BICRAL: variants seen among roughly 807,000 people sequenced by gnomAD.
The protein encoded by BICRAL is BRD4-interacting chromatin-remodeling complex-associated protein-like.
Under a neutral mutation model 91.8 loss-of-function variants are expected in BICRAL, and 8 were observed. The ratio of observed to expected loss-of-function variants is 0.09; its 90% confidence interval spans 0.05 to 0.16. The LOEUF (loss-of-function observed/expected upper bound fraction) is 0.16, where lower values mean the gene tolerates loss of function less well. Among genes scored for constraint, BICRAL ranks in the 10% least tolerant of loss-of-function variants. The pLI is 1.00. For synonymous variants in BICRAL, 445 were observed against 491.1 expected (o/e 0.91, Z 1.24); for missense variants, 1,038 against 1,310.9 (o/e 0.79, Z 3.21).
intron 1 of BICRAL, among the ~76,000 whole-genome samples, chr6:42,804,622 A>G (rs949815768): frequency 6.6e-6 from 1 of 152,184 alleles, no homozygotes; most frequent in Non-Finnish European, 1.5e-5. Context: ...TGAAAAACTG[A>G]TAAGTTTTGG....
chr6:42,812,465 A>G (rs1182124490), intron 2 of BICRAL, among the ~76,000 whole-genome samples: 2 of 152,178 alleles, frequency 1.3e-5, no homozygotes, highest in Admixed American at 1.3e-4. Flanking sequence ...TATCTTATAT[A>G]AGTTCAAGAA....
intron 5 of BICRAL, among the ~76,000 whole-genome samples, chr6:42,827,947 G>C (rs895581863): frequency 1.3e-5 from 2 of 152,116 alleles, no homozygotes; most frequent in Non-Finnish European, 2.9e-5. Flanking sequence ...TAAGCTCCAA[G>C]TAGTCCTCAG....
At chr6:42,851,966 T>A (rs1765197792) in intron 6 of BICRAL, 126 bp from the exon 7 acceptor site, 1 of 607,396 alleles carries the variant, frequency 1.6e-6, no homozygotes, top group South Asian at 2.1e-5. Context: ...TTATTAAATT[T>A]TTGGTTTGTT....
chr6:42,782,327 GTTTT>G (rs1290370929), intron 1 of BICRAL, among the ~76,000 whole-genome samples: 3 of 59,530 alleles, frequency 5.0e-5, no homozygotes, highest in Non-Finnish European at 9.2e-5. Context: ...CTAAGGCTGT[GTTTT>G]TTTTTTTTTT....
intron 6 of BICRAL, among the ~76,000 whole-genome samples, chr6:42,840,757 AAAGGATT>A (rs1309708608): frequency 9.9e-5 from 15 of 151,856 alleles, no homozygotes; most frequent in Admixed American, 8.5e-4. Flanking sequence ...TTGGATCACT[AAAGGATT>A]TCGTAGATTC....
At chr6:42,771,534 A>AG (rs1208164250) in intron 1 of BICRAL, among the ~76,000 whole-genome samples, 16 of 151,608 alleles carry the variant, frequency 1.1e-4, no homozygotes, top group Non-Finnish European at 1.9e-4. Flanking sequence ...GTAGGGAAGG[A>AG]GGGTTTTGAG....
intron 1 of BICRAL, among the ~76,000 whole-genome samples, chr6:42,805,917 G>T (rs952564462): frequency 3.3e-5 from 5 of 152,028 alleles, no homozygotes; most frequent in African/African-American, 1.2e-4. Context: ...CAGGAGAATG[G>T]CGTGAACCCA....
At chr6:42,820,052 T>G (rs112836521) in intron 2 of BICRAL, among the ~76,000 whole-genome samples, 53 of 152,306 alleles carry the variant, frequency 3.5e-4, no homozygotes, top group African/African-American at 1.3e-3. Context: ...CACTCTAAAC[T>G]TAGGGGTAGC....
chr6:42,840,968 C>T (rs1220181948), intron 6 of BICRAL, among the ~76,000 whole-genome samples: 2 of 149,072 alleles, frequency 1.3e-5, no homozygotes, highest in Non-Finnish European at 1.5e-5. Context: ...ACCACCTACT[C>T]AGGAGGCTGA....
intron 1 of BICRAL, among the ~76,000 whole-genome samples, chr6:42,769,648 C>T (rs1762689383): frequency 6.6e-6 from 1 of 152,196 alleles, no homozygotes; most frequent in Non-Finnish European, 1.5e-5. Context: ...CACACAAACA[C>T]AATACCATGT....
chr6:42,825,702 G>A (rs962293964), intron 5 of BICRAL, among the ~76,000 whole-genome samples: 8 of 150,852 alleles, frequency 5.3e-5, no homozygotes, highest in Non-Finnish European at 7.4e-5. Flanking sequence ...CAGCCTAGGT[G>A]ACAGAGTGAG....
At chr6:42,819,735 G>A (rs1582843464) in intron 2 of BICRAL, among the ~76,000 whole-genome samples, 2 of 152,292 alleles carry the variant, frequency 1.3e-5, no homozygotes, top group East Asian at 3.9e-4. Flanking sequence ...GAGAATACAG[G>A]GCTAAGGGTC....
intron 1 of BICRAL, among the ~76,000 whole-genome samples, chr6:42,749,753 C>T (rs1271514145): frequency 1.3e-5 from 2 of 151,950 alleles, no homozygotes; most frequent in African/African-American, 4.8e-5. Flanking sequence ...GTCACTTCCC[C>T]ACCTCTCACC....
intron 1 of BICRAL, among the ~76,000 whole-genome samples, chr6:42,764,543 A>G (rs889206810): frequency 2.6e-4 from 39 of 152,094 alleles, no homozygotes; most frequent in Non-Finnish European, 1.8e-4. Context: ...GTCTTAAAAA[A>G]AAAAAAAAGA....
chr6:42,747,805 G>GTTTTTTTTTTTTTTTTT (rs56209754), intron 1 of BICRAL, among the ~76,000 whole-genome samples: 1 of 125,306 alleles, frequency 8.0e-6, no homozygotes, highest in African/African-American at 3.0e-5. Context: ...GTTTTATTTT[G>GTTTTTTTTTTTTTTTTT]TTTTTTTTTT....
intron 1 of BICRAL, among the ~76,000 whole-genome samples, chr6:42,784,941 GAC>G (rs1488797769): frequency 5.3e-5 from 8 of 152,150 alleles, no homozygotes; most frequent in Admixed American, 3.9e-4. Flanking sequence ...CAGTGACACA[GAC>G]ACACGTTTGG....
At position 42,852,287 on chromosome 6, in the gene BICRAL, G is replaced by A. The variant is rs769864066; in HGVS notation, c.1945+90G>A. ...CCCTCATTCTGCACGAAAGCTTTCT[G>A]GCTTAATCTCGTCTCCACTCCGATT... On this transcript the variant is annotated intron_variant, in intron 7 of 12. Coordinates refer to ENST00000314073, the MANE Select transcript of BICRAL (RefSeq NM_001393499.1). 2.5e-6 allele frequency: 2 copies of A among 787,898 alleles called. 1 individual carries two copies. The highest frequency in any genetic ancestry group is 4.5e-6 in the Non-Finnish European group (2 of 440,770). The allele number at this position is 787,898 out of a possible 1,614,324, so 48.8% of individuals were successfully genotyped here. A position where few individuals can be genotyped will look rare whatever the true frequency, so the allele number is the denominator to read the frequency against.
intron 1 of BICRAL, among the ~76,000 whole-genome samples, chr6:42,802,432 TTG>T (rs532525775): frequency 1.4e-5 from 1 of 73,362 alleles, no homozygotes; most frequent in Admixed American, 1.2e-4. Context: ...TTTTTTTTTG[TTG>T]TTGTTGTTGT....
At chr6:42,818,535 A>G (rs1190292479) in intron 2 of BICRAL, among the ~76,000 whole-genome samples, 1 of 152,100 alleles carries the variant, frequency 6.6e-6, no homozygotes, top group East Asian at 1.9e-4. Flanking sequence ...GACTTTGCTT[A>G]TGATGTGTTT....
Sources: gnomAD v4.1 joint callset for allele counts (sites outside exome capture counted in the v4.1 genomes callset) on GRCh38, gnomAD v4.1.1 for gene constraint, MANE v1.5 for transcripts, NCBI Gene and HGNC (gene_info 2026-07-23, HGNC 2026-07-21) for gene names.